Variants in CMTR1 observed in about 807,000 individuals in gnomAD.
The protein encoded by CMTR1 is cap methyltransferase 1, also known as cap-specific mRNA (nucleoside-2'-O-)-methyltransferase 1.
In CMTR1, 39 loss-of-function variants were observed where a neutral mutation model predicts 107.0. The ratio of observed to expected loss-of-function variants is 0.36; its 90% CI spans 0.28 to 0.48. CMTR1 has a LOEUF of 0.48. CMTR1 is among the 20% of genes least tolerant of loss of function. The pLI, the probability that CMTR1 is intolerant of heterozygous loss-of-function variation, is 0.99. For missense variants in CMTR1, 672 were observed against 1,064.9 expected (o/e 0.63, Z 5.14); for synonymous variants, 366 against 379.5 (o/e 0.96, Z 0.41).
At chr6:37,476,093 G>C in intron 19 of CMTR1, 33 bp from the exon 20 acceptor site, 1 of 1,612,370 alleles carries the variant, frequency 6.2e-7, no homozygotes, top group South Asian at 1.1e-5. Context: ...GGCATCCTTG[G>C]CTTGCCTCTC....
intron 13 of CMTR1, among the ~76,000 whole-genome samples, chr6:37,466,884 T>C (rs1761522843): frequency 6.6e-6 from 1 of 152,114 alleles, no homozygotes; most frequent in Non-Finnish European, 1.5e-5. Flanking sequence ...TTAAGGATCC[T>C]TTAGGGCCAG....
rs1771794765 is a variant in CMTR1, at chr6:37,446,379, G to A, written c.374G>A (p.Arg125Gln). 2.5e-6 allele frequency: 4 copies of A among 1,614,202 alleles called. No homozygotes were observed. The highest frequency in any genetic ancestry group is 3.4e-6 in the Non-Finnish European group (4 of 1,180,044). The change falls in exon 4 of 24, where the codon CGA becomes CAA. Residue 125 changes from arginine (R) to glutamine (Q), a missense_variant. By Grantham distance (43) the Arg-to-Gln change is conservative. Transcript: ENST00000373451. ...GTTGAGGCTTCCAGTCAGAAAGGTC[G>A]AAGAGGCTTGGGTCTGACACTCCGG... ...DIVEASSQKG[R>Q]RGLGLTLRGF...
Position 37,480,358 on chromosome 6 carries a change from G to A in CMTR1, c.*213G>A. ...ATGTTCCTTCTGGGACACCTGCCTG[G>A]GAACTTTCCCCTGCCAGGACTCAGC... On this transcript the variant is annotated 3_prime_UTR_variant, in exon 24 of 24. Transcript: ENST00000373451. 7.4e-7 allele frequency: 1 copy of A among 1,358,676 alleles called. No individual in the cohort carries two copies. The highest frequency in any genetic ancestry group is 9.4e-7 in the Non-Finnish European group (1 of 1,065,454). The allele number at this position is 1,358,676 out of a possible 1,614,324, so 84.2% of individuals were successfully genotyped here.
chr6:37,444,255 C>T, intron 3 of CMTR1, 105 bp downstream of exon 3: 1 of 1,395,866 alleles, frequency 7.2e-7, no homozygotes. Flanking sequence ...TAGGTTTTTC[C>T]TTTGCTTTTC....
Position 37,471,062 on chromosome 6 carries a change from C to T in CMTR1, c.1547C>T (p.Ala516Val), listed in dbSNP as rs780994839. The T allele has an allele frequency of 6.2e-7, 1 of 1,607,224 alleles. No homozygotes were observed. The highest frequency in any genetic ancestry group is 2.2e-5 in the East Asian group (1 of 44,716). The change falls in exon 14 of 24, where the codon GCC becomes GTC. Residue 516 changes from alanine (A) to valine (V), a missense_variant. Transcript: ENST00000373451. ...LQIKALAKIH[A>V]FVQDTTLSEP... ...ATCAAAGCTCTGGCGAAAATCCATG[C>T]CTTTGTTCAAGACACGTGAGTGTTG...
Position 37,462,780 on chromosome 6 carries a change from A to G in CMTR1, c.1326-49A>G, listed in dbSNP as rs565777091. 2.5e-6 allele frequency: 4 copies of G among 1,569,952 alleles called. No homozygotes were observed. In the South Asian group the frequency reaches 4.5e-5, roughly 18 times the overall value. On this transcript the variant is annotated intron_variant, in intron 12 of 23. Coordinates refer to ENST00000373451, the MANE Select transcript of CMTR1 (RefSeq NM_015050.3). ...CAAGGGGTTGGGGGAAAAGGAATGT[A>G]TGGGGAGGAAGCCCTTGCTCGGTGG...
intron 2 of CMTR1, among the ~76,000 whole-genome samples, chr6:37,440,167 G>C (rs1013939880): frequency 2.6e-5 from 4 of 152,174 alleles, no homozygotes; most frequent in Non-Finnish European, 5.9e-5. Context: ...CTCCCCAGGA[G>C]GTAAATGGGA....
the CMTR1 span, among the ~76,000 whole-genome samples, chr6:37,426,445 T>A: frequency 6.6e-6 from 1 of 152,164 alleles, no homozygotes; most frequent in Non-Finnish European, 1.5e-5. Flanking sequence ...TTTTTGTATT[T>A]GTTTTTATTT....
At chr6:37,454,188 G>C (rs572618406) in intron 8 of CMTR1, among the ~76,000 whole-genome samples, 17 of 152,338 alleles carry the variant, frequency 1.1e-4, no homozygotes, top group Admixed American at 9.1e-4. Context: ...CCAGGAGCCA[G>C]CTATCCCCAA....
At chr6:37,473,973 A>G (rs1761680658) in intron 17 of CMTR1, among the ~76,000 whole-genome samples, 2 of 152,142 alleles carry the variant, frequency 1.3e-5, no homozygotes, top group African/African-American at 2.4e-5. Flanking sequence ...TCTTGCAAAG[A>G]TACTCCCTGT....
intron 2 of CMTR1, among the ~76,000 whole-genome samples, chr6:37,436,687 C>G (rs1027806329): frequency 1.3e-5 from 2 of 152,124 alleles, no homozygotes; most frequent in African/African-American, 4.8e-5. Flanking sequence ...AAATTTCCCT[C>G]TTCTTATAAG....
chr6:37,451,844 G>C lies in CMTR1; in HGVS notation c.576G>C (p.Gly192=). The change falls in exon 6 of 24, where the codon GGG becomes GGC. Residue 192 remains glycine (G), a synonymous_variant. Coordinates refer to ENST00000373451, the MANE Select transcript of CMTR1 (RefSeq NM_015050.3). ...MIIEDETEFC[G]EELLHSVLQC... is the part of the protein sequence containing the mutation. ...TTGAAGATGAAACAGAGTTTTGTGG[G>C]GAAGAGCTGCTTCACAGTGTGTTGC... is the stretch of plus-strand genomic sequence containing the variant. 1 of 1,613,572 alleles carries C rather than the reference G, an allele frequency of 6.2e-7. No individual in the cohort carries two copies.
chr6:37,472,279 T>C lies in CMTR1; in HGVS notation c.1621-140T>C. On this transcript the variant is annotated intron_variant, in intron 15 of 23. Coordinates refer to ENST00000373451, the MANE Select transcript of CMTR1 (RefSeq NM_015050.3). The surrounding 1 kb of genome is among the most constrained non-coding windows in gnomAD (Gnocchi z 4.1). ...GCAGTGAGTGAATTATCCACCTCCA[T>C]CCCTGTCAGCCTAGCCTCCTTTGTT... 1 of 744,150 alleles carries C rather than the reference T, an allele frequency of 1.3e-6. No individual in the cohort carries two copies. Among genetic ancestry groups the C allele is most frequent in the South Asian group, 1.6e-5 (1 of 63,334 alleles). 46.1% of individuals were successfully genotyped at this position (744,150 alleles called of 1,614,324 possible). A position where few individuals can be genotyped will look rare whatever the true frequency, so the allele number is the denominator to read the frequency against.
chr6:37,473,709 A>C, intron 17 of CMTR1, 108 bp downstream of exon 17: 1 of 1,347,962 alleles, frequency 7.4e-7, no homozygotes, highest in Non-Finnish European at 1.0e-6. Context: ...GGCATTAAGT[A>C]GCTGTTGCTT....
In CMTR1 at chr6:37,473,511, C is replaced by T; in HGVS notation, c.1731C>T (p.Leu577=). The change falls in exon 17 of 24, where the codon CTC becomes CTT. Residue 577 remains leucine, a synonymous_variant. Transcript: ENST00000373451. ...TCTTCAGCTACAAGCCCACACTGCT[C>T]ACCTCTAAAACCCTGGAGAAGATCC... ...IDIFSYKPTL[L]TSKTLEKIRP... 6.2e-7 allele frequency: 1 copy of T among 1,614,070 alleles called. No homozygotes were observed. Among genetic ancestry groups the T allele is most frequent in the East Asian group, 2.2e-5 (1 of 44,872 alleles).
intron 4 of CMTR1, among the ~76,000 whole-genome samples, chr6:37,447,611 A>C (rs1370650986): frequency 6.6e-6 from 1 of 152,240 alleles, no homozygotes; most frequent in Non-Finnish European, 1.5e-5. Flanking sequence ...CTATAATCCC[A>C]GCACTTTGGG....
chr6:37,464,327 C>G (rs1017831008), intron 13 of CMTR1, among the ~76,000 whole-genome samples: 3 of 151,900 alleles, frequency 2.0e-5, no homozygotes, highest in Non-Finnish European at 4.4e-5. Context: ...ATTAGCCAGG[C>G]GTGGTGGCGG....
chr6:37,465,316 T>C (rs1761486543), intron 13 of CMTR1, among the ~76,000 whole-genome samples: 1 of 151,942 alleles, frequency 6.6e-6, no homozygotes, highest in South Asian at 2.1e-4. Flanking sequence ...AATTTATATA[T>C]ATTGTTTTAT....
At chr6:37,433,564 C>G (rs1288213454) in intron 1 of CMTR1, among the ~76,000 whole-genome samples, 187 bp downstream of exon 1, 1 of 152,232 alleles carries the variant, frequency 6.6e-6, no homozygotes, top group Non-Finnish European at 1.5e-5. Flanking sequence ...CTGCCGCTGA[C>G]ACACGTCTCT....
Sources: gnomAD v4.1 joint callset for allele counts (sites outside exome capture counted in the v4.1 genomes callset) on GRCh38, gnomAD v4.1.1 for gene constraint, Gnocchi (gnomAD v3.1) non-coding constraint, MANE v1.5 for transcripts, NCBI Gene and HGNC (gene_info 2026-07-23, HGNC 2026-07-21) for gene names.